CNTN5: variants seen among roughly 807,000 people sequenced by gnomAD.
CNTN5 encodes the protein contactin-5.
In CNTN5, 77 loss-of-function variants were observed where a neutral mutation model predicts 129.1. The observed-to-expected ratio is 0.60, with a 90% CI of 0.50 to 0.72. CNTN5 has a LOEUF of 0.72. CNTN5 is among the 30% of genes least tolerant of loss of function. The pLI, the probability that CNTN5 is intolerant of heterozygous loss-of-function variation, is 0.00. For synonymous variants in CNTN5, 509 were observed against 465.6 expected (o/e 1.09, Z -1.20); for missense variants, 1,478 against 1,328.8 (o/e 1.11, Z -1.75).
intron 6 of CNTN5, among the ~76,000 whole-genome samples, chr11:99,859,476 A>G (rs1429094042): frequency 4.6e-5 from 7 of 152,102 alleles, no homozygotes; most frequent in South Asian, 2.1e-4. Context: ...TTAGCATGGA[A>G]CCCAGTAGTT....
At chr11:100,334,369 T>C (rs1000020498) in intron 21 of CNTN5, among the ~76,000 whole-genome samples, 5 of 152,188 alleles carry the variant, frequency 3.3e-5, no homozygotes, top group Non-Finnish European at 7.3e-5. Context: ...GAAAACAGTG[T>C]GGAGATTCCT....
chr11:100,135,413 G>C (rs1026265918), intron 13 of CNTN5, among the ~76,000 whole-genome samples: 7 of 151,920 alleles, frequency 4.6e-5, no homozygotes, highest in African/African-American at 1.7e-4. Context: ...CTGACCTTAT[G>C]ATCCTCCTGC....
At chr11:100,005,510 A>G (rs1242716335) in intron 9 of CNTN5, among the ~76,000 whole-genome samples, 1 of 152,168 alleles carries the variant, frequency 6.6e-6, no homozygotes, top group Non-Finnish European at 1.5e-5. Context: ...GCACAATACA[A>G]TATTGCTGAC....
At chr11:100,107,451 T>C (rs1945481708) in intron 13 of CNTN5, among the ~76,000 whole-genome samples, 1 of 151,564 alleles carries the variant, frequency 6.6e-6, no homozygotes. Flanking sequence ...GATTACAGAA[T>C]CACAGGCTTA....
At chr11:100,114,229 T>A (rs1188633182) in intron 13 of CNTN5, among the ~76,000 whole-genome samples, 1 of 152,106 alleles carries the variant, frequency 6.6e-6, no homozygotes, top group Non-Finnish European at 1.5e-5. Context: ...TTTAAAATAT[T>A]CAGATGAAAC....
At chr11:99,135,959 T>G (rs1262936060) in intron 1 of CNTN5, among the ~76,000 whole-genome samples, 1 of 152,202 alleles carries the variant, frequency 6.6e-6, no homozygotes, top group Non-Finnish European at 1.5e-5. Context: ...ACAATAAATA[T>G]TTGTTTAATG....
At chr11:99,840,341 A>G (rs1947445346) in intron 4 of CNTN5, among the ~76,000 whole-genome samples, 1 of 152,170 alleles carries the variant, frequency 6.6e-6, no homozygotes, top group African/African-American at 2.4e-5. Flanking sequence ...TTAGAAATGG[A>G]AAAACCATGG....
chr11:100,309,213 A>C, intron 21 of CNTN5: 1 of 985,040 alleles, frequency 1.0e-6, no homozygotes, highest in African/African-American at 1.7e-5. Flanking sequence ...TTGCATTTAA[A>C]AAAATTTATT....
intron 2 of CNTN5, among the ~76,000 whole-genome samples, chr11:99,387,833 G>C (rs1345090390): frequency 2.0e-5 from 3 of 152,134 alleles, no homozygotes; most frequent in Non-Finnish European, 4.4e-5. Context: ...CCACTTTTTA[G>C]AGTAGTGAGT....
intron 1 of CNTN5, among the ~76,000 whole-genome samples, chr11:99,234,228 A>G (rs1372104657): frequency 6.6e-6 from 1 of 152,178 alleles, no homozygotes; most frequent in African/African-American, 2.4e-5. Context: ...AGTGAGAATG[A>G]TAGTTATCAG....
In CNTN5 at chr11:99,573,817, T is replaced by C. The variant is rs140572815; in HGVS notation, c.55+17548T>C. ...TTTGGAGAAACCTTTCTAGAGCATA[T>C]GTAATTCTTTGAAACTTCTCTAAGT... is the stretch of plus-strand genomic sequence containing the variant. On this transcript the variant is annotated intron_variant, in intron 3 of 24. Coordinates refer to ENST00000524871, the MANE Select transcript of CNTN5 (RefSeq NM_014361.4). 6.6e-3 allele frequency among the ~76,000 whole-genome samples: 998 copies of C among 152,104 alleles called. 8 individuals are homozygous for C. Among genetic ancestry groups the C allele is most frequent in the African/African-American group, 0.022 (894 of 41,516 alleles).
chr11:100,026,771 G>A (rs905042303), intron 9 of CNTN5, among the ~76,000 whole-genome samples: 1 of 151,916 alleles, frequency 6.6e-6, no homozygotes, highest in South Asian at 2.1e-4. Context: ...TTATATTTTG[G>A]ATAGTAGTCT....
chr11:99,650,578 A>C (rs1190397012), intron 3 of CNTN5, among the ~76,000 whole-genome samples: 1 of 151,810 alleles, frequency 6.6e-6, no homozygotes, highest in Non-Finnish European at 1.5e-5. Context: ...GACAAAAAGC[A>C]AGGCAACTTC....
At chr11:99,148,185 C>T (rs1054367754) in intron 1 of CNTN5, among the ~76,000 whole-genome samples, 1 of 151,898 alleles carries the variant, frequency 6.6e-6, no homozygotes, top group African/African-American at 2.4e-5. Context: ...CTAAAAAGGG[C>T]CTTTTAAAAT....
chr11:99,974,570 C>T (rs1035196904), intron 8 of CNTN5, among the ~76,000 whole-genome samples: 1 of 152,112 alleles, frequency 6.6e-6, no homozygotes, highest in Non-Finnish European at 1.5e-5. Context: ...ATATTCTTCT[C>T]ACTTCTGCAA....
intron 2 of CNTN5, among the ~76,000 whole-genome samples, chr11:99,404,667 G>C (rs572858765): frequency 2.4e-4 from 36 of 152,122 alleles, no homozygotes; most frequent in African/African-American, 8.7e-4. Context: ...CTTCATCCTT[G>C]TGCTTTTTAA....
intron 3 of CNTN5, among the ~76,000 whole-genome samples, chr11:99,610,373 C>G: frequency 6.6e-6 from 1 of 152,090 alleles, no homozygotes; most frequent in East Asian, 1.9e-4. Context: ...CTCAGTCCCA[C>G]ACCAATATTT....
rs764602177 is a variant in CNTN5, at chr11:99,406,782, C to T, written c.-71+81298C>T. On this transcript the variant is annotated intron_variant, in intron 2 of 24. Transcript: ENST00000524871. ...CAGATCATAAGACACAGCTTTTTTCCGCTCTTCTCTCCCATTTTCAAAGGC... is the reference window on the plus strand; with the variant it reads ...CAGATCATAAGACACAGCTTTTTTCTGCTCTTCTCTCCCATTTTCAAAGGC... Among the ~76,000 whole-genome samples the T allele has an allele frequency of 4.6e-5, 7 of 152,216 alleles. No homozygotes were observed. In the East Asian group the frequency reaches 7.7e-4, roughly 17 times the overall value.
intron 2 of CNTN5, among the ~76,000 whole-genome samples, chr11:99,343,813 T>C (rs1866631412): frequency 1.3e-5 from 2 of 152,124 alleles, no homozygotes; most frequent in African/African-American, 4.8e-5. Context: ...ATACTATGGG[T>C]CAAATAATGT....
Sources: allele counts gnomAD v4.1 joint callset (sites outside exome capture counted in the v4.1 genomes callset), GRCh38; gene constraint gnomAD v4.1.1; transcripts MANE v1.5; gene names NCBI Gene and HGNC (gene_info 2026-07-23, HGNC 2026-07-21).